Variants in EVC2 observed in about 807,000 individuals in gnomAD.
The protein encoded by EVC2 is limbin.
A neutral mutation model predicts 149.3 loss-of-function variants in EVC2; 148 were observed. That is an observed-to-expected ratio of 0.99 (90% CI 0.87 to 1.14). The LOEUF (loss-of-function observed/expected upper bound fraction) is 1.14, where lower values mean the gene tolerates loss of function less well. Ranked by LOEUF, EVC2 falls within the 50% of genes most tolerant of loss-of-function variation. The pLI is 0.00. For missense variants in EVC2, 1,854 were observed against 1,627.3 expected (o/e 1.14, Z -2.40); for synonymous variants, 776 against 649.9 (o/e 1.19, Z -2.95).
chr4:5,574,689 C>T lies in EVC2; in HGVS notation c.3356G>A (p.Ser1119Asn), dbSNP rs1293374224. 1 of 1,614,158 alleles carries T rather than the reference C, an allele frequency of 6.2e-7. No individual in the cohort carries two copies. Among genetic ancestry groups the T allele is most frequent in the South Asian group, 1.1e-5 (1 of 91,074 alleles). Residue 1119 changes from serine (S) to asparagine (N), a missense_variant, in exon 19 of 22, where the codon AGC becomes AAC. Coordinates refer to ENST00000344408, the MANE Select transcript of EVC2 (RefSeq NM_147127.5). ...MEADTFATLC[S>N]QELRLASYLA... ...ACCCTGCCAGTACCTTCTCACCTGG[C>T]TGCACAGGGTTGCAAAGGTGTCTGC...
At chr4:5,586,591 C>A (rs568564706) in intron 16 of EVC2, among the ~76,000 whole-genome samples, 3 of 152,184 alleles carry the variant, frequency 2.0e-5, no homozygotes, top group Non-Finnish European at 4.4e-5. Flanking sequence ...ACAATCGATT[C>A]TCTCTGAAGC....
intron 8 of EVC2, 148 bp from the exon 9 acceptor site, chr4:5,663,394 T>C (rs1719035361): frequency 9.6e-7 from 1 of 1,041,720 alleles, no homozygotes; most frequent in Non-Finnish European, 1.5e-6. Flanking sequence ...GACAAGCTTT[T>C]GCGAATGTCC....
chr4:5,628,296 G>C (rs1169904621), intron 12 of EVC2, among the ~76,000 whole-genome samples: 1 of 151,894 alleles, frequency 6.6e-6, no homozygotes, highest in Middle Eastern at 3.4e-3. Context: ...CTCATGAATG[G>C]ATTAATGCCA....
At position 5,631,226 on chromosome 4, in the gene EVC2, C is replaced by CATAT. The variant is rs1286535816; in HGVS notation, c.1710+563_1710+566dup. Among the ~76,000 whole-genome samples the CATAT allele has an allele frequency of 4.4e-3, 667 of 152,278 alleles. 2 individuals are homozygous for CATAT. Among genetic ancestry groups the CATAT allele is most frequent in the African/African-American group, 0.014 (596 of 41,548 alleles). ...ACATCAATACATGCACACATACATG[C>CATAT]ATATATGTATATTTTATTTGAGACA... On this transcript the variant is annotated intron_variant, in intron 11 of 21. Transcript: ENST00000344408.
intron 17 of EVC2, among the ~76,000 whole-genome samples, chr4:5,581,415 T>G (rs188657844): frequency 6.6e-6 from 1 of 152,210 alleles, no homozygotes; most frequent in East Asian, 1.9e-4. Flanking sequence ...AGGTCTCAGA[T>G]GGAGATGAGG....
chr4:5,588,089 G>C (rs1577123208), intron 16 of EVC2, among the ~76,000 whole-genome samples: 6 of 152,102 alleles, frequency 3.9e-5, no homozygotes, highest in Admixed American at 3.9e-4. Flanking sequence ...GAATCTCCTA[G>C]TAAGGAAAAC....
At chr4:5,635,226 G>A (rs967631596) in intron 10 of EVC2, among the ~76,000 whole-genome samples, 1 of 151,598 alleles carries the variant, frequency 6.6e-6, no homozygotes, top group Admixed American at 6.6e-5. Context: ...TAGTAGAGGC[G>A]GGATTTCACC....
At chr4:5,551,037 G>A (rs936838070) in intron 21 of EVC2, among the ~76,000 whole-genome samples, 2 of 152,256 alleles carry the variant, frequency 1.3e-5, no homozygotes, top group South Asian at 4.1e-4. Flanking sequence ...CCAGGCAGAG[G>A]TGTGCTGCAG....
In EVC2 at chr4:5,625,838, T is replaced by C; in HGVS notation, c.1957A>G (p.Lys653Glu). 6.2e-7 allele frequency: 1 copy of C among 1,614,128 alleles called. No individual in the cohort carries two copies. The highest frequency in any genetic ancestry group is 1.3e-5 in the African/African-American group (1 of 75,048). Residue 653 changes from lysine to glutamate, a missense_variant, in exon 13 of 22, where the codon AAG (lysine) becomes GAG (glutamate). Physicochemically the swap from Lys to Glu is moderately conservative, Grantham distance 56. Coordinates refer to ENST00000344408, the MANE Select transcript of EVC2 (RefSeq NM_147127.5). The surrounding 1 kb of genome is among the most constrained non-coding windows in gnomAD (Gnocchi z 4.0). ...ERAQTEVFSI[K>E]QKLDNDLKQE... ...TTTAAGTCATTGTCCAACTTCTGCTTGATTGAAAAGACTTCTGTCTGAGCC... is the reference window on the plus strand; with the variant it reads ...TTTAAGTCATTGTCCAACTTCTGCTCGATTGAAAAGACTTCTGTCTGAGCC...
rs1413445249 is a variant in EVC2 at position 5,665,570 on chromosome 4, AG to A, written c.949del (p.Leu317SerfsTer10). ...ACACTGATAGCGAACCATGAGGAAGAGGGCAGCCCAGGTCAGCACAAGGGAG... is the reference window on the plus strand; with the variant it reads ...ACACTGATAGCGAACCATGAGGAAGAGGCAGCCCAGGTCAGCACAAGGGAG... ...LLSLVLTWAA[L>X]FLMVRYQCLK... On this transcript the variant is annotated frameshift_variant, in exon 8 of 22. Transcript: ENST00000344408. LOFTEE classifies it high-confidence loss of function. 1 of 1,614,184 alleles carries A rather than the reference AG, an allele frequency of 6.2e-7. No individual in the cohort carries two copies. The highest frequency in any genetic ancestry group is 2.2e-5 in the East Asian group (1 of 44,876).
rs1715432238 is a variant in EVC2, at chr4:5,618,461, T to C, written c.2706+17A>G. Reference sequence around the variant, plus strand: ...CGGCCCTGCTTCTGTAATCGGCCACTGACAGGTCCATCCTACCTGCAGCTC... The same window carrying C: ...CGGCCCTGCTTCTGTAATCGGCCACCGACAGGTCCATCCTACCTGCAGCTC... On this transcript the variant is annotated intron_variant, in intron 15 of 21. Transcript: ENST00000344408. The surrounding 1 kb of genome is among the most constrained non-coding windows in gnomAD (Gnocchi z 4.4). The C allele has an allele frequency of 6.2e-7, 1 of 1,612,308 alleles. No individual in the cohort carries two copies.
At chr4:5,572,433 C>T (rs1722695148) in intron 19 of EVC2, among the ~76,000 whole-genome samples, 1 of 152,136 alleles carries the variant, frequency 6.6e-6, no homozygotes, top group African/African-American at 2.4e-5. Context: ...TATAAAAGGG[C>T]TCCAGGGAAC....
upstream of EVC2, chr4:5,708,620 C>T: frequency 1.2e-6 from 1 of 811,160 alleles, no homozygotes; most frequent in African/African-American, 1.8e-5. Context: ...CGAGCCGCCG[C>T]CGAAAGTTTT....
At chr4:5,533,482 C>A in the EVC2 span, among the ~76,000 whole-genome samples, 1 of 152,136 alleles carries the variant, frequency 6.6e-6, no homozygotes. Flanking sequence ...TAGAAAGGAA[C>A]GTGGCTTTTT....
At chr4:5,681,174 G>A (rs1212073421) in intron 7 of EVC2, 86 bp downstream of exon 7, 1 of 1,492,636 alleles carries the variant, frequency 6.7e-7, no homozygotes, top group Non-Finnish European at 9.3e-7. Flanking sequence ...CCAGCAGCTG[G>A]CCGCTCCCCA....
chr4:5,647,208 G>A (rs1436307683), intron 9 of EVC2, among the ~76,000 whole-genome samples: 1 of 152,160 alleles, frequency 6.6e-6, no homozygotes, highest in African/African-American at 2.4e-5. Context: ...AAGCGGTGCT[G>A]CAGCCCCTCA....
At chr4:5,655,755 A>G (rs1718480079) in intron 9 of EVC2, among the ~76,000 whole-genome samples, 1 of 139,926 alleles carries the variant, frequency 7.1e-6, no homozygotes, top group Admixed American at 7.0e-5. Flanking sequence ...GAAGGAAGAG[A>G]AGGAAGGAAG....
chr4:5,600,478 C>T (rs75659175), intron 16 of EVC2, among the ~76,000 whole-genome samples: 2,725 of 152,092 alleles, frequency 0.018, 71 homozygotes, highest in African/African-American at 0.063. Flanking sequence ...AGTGGAGATG[C>T]CTAGTGAAGA....
intron 21 of EVC2, among the ~76,000 whole-genome samples, chr4:5,544,551 C>A (rs1721577127): frequency 6.6e-6 from 1 of 152,144 alleles, no homozygotes; most frequent in South Asian, 2.1e-4. Flanking sequence ...CCGTGGGAAG[C>A]CCTTGGCTGT....
Sources: allele counts gnomAD v4.1 joint callset (sites outside exome capture counted in the v4.1 genomes callset), GRCh38; gene constraint gnomAD v4.1.1; non-coding constraint Gnocchi (gnomAD v3.1); transcripts MANE v1.5; gene names NCBI Gene and HGNC (gene_info 2026-07-23, HGNC 2026-07-21).